NTM: variants seen among roughly 807,000 people sequenced by gnomAD.
NTM encodes the protein IgLON family member 2.
Under a neutral mutation model 42.1 loss-of-function variants are expected in NTM, and 13 were observed. The observed-to-expected ratio is 0.31, with a 90% CI of 0.20 to 0.49. NTM has a LOEUF of 0.49. Ranked by LOEUF, NTM falls within the 20% of genes least tolerant of loss-of-function variation. NTM has a pLI of 0.99. For missense variants in NTM, 373 were observed against 452.8 expected (o/e 0.82, Z 1.60); for synonymous variants, 187 against 179.2 (o/e 1.04, Z -0.35).
chr11:131,784,495 T>C (rs2136038565), intron 1 of NTM, among the ~76,000 whole-genome samples: 1 of 152,082 alleles, frequency 6.6e-6, no homozygotes, highest in Admixed American at 6.6e-5. Context: ...AAAAACTAGA[T>C]CTGAAAAAGA....
chr11:131,977,246 G>A (rs1008414942), intron 2 of NTM, among the ~76,000 whole-genome samples: 2 of 152,208 alleles, frequency 1.3e-5, no homozygotes, highest in Non-Finnish European at 2.9e-5. Context: ...AACAAAAAGC[G>A]ACTACGCGTA....
At chr11:131,734,896 C>T (rs1316943558) in intron 1 of NTM, among the ~76,000 whole-genome samples, 1 of 152,052 alleles carries the variant, frequency 6.6e-6, no homozygotes, top group African/African-American at 2.4e-5. Context: ...TAAAATAACA[C>T]CAAGAACAAC....
At chr11:131,458,465 C>T (rs1052992816) in intron 1 of NTM, among the ~76,000 whole-genome samples, 1 of 152,158 alleles carries the variant, frequency 6.6e-6, no homozygotes, top group Non-Finnish European at 1.5e-5. Flanking sequence ...CTACCAAAAT[C>T]CCACCATCAC....
At chr11:131,872,474 T>C (rs1293863984) in intron 1 of NTM, among the ~76,000 whole-genome samples, 1 of 152,356 alleles carries the variant, frequency 6.6e-6, no homozygotes, top group East Asian at 1.9e-4. Flanking sequence ...TCTATGATCA[T>C]GTTTTCCACT....
chr11:131,957,830 G>A (rs2061713331), intron 2 of NTM, among the ~76,000 whole-genome samples: 3 of 152,050 alleles, frequency 2.0e-5, no homozygotes, highest in South Asian at 2.1e-4. Flanking sequence ...GGAATTTTTC[G>A]AAGGAAAGTC....
At chr11:132,053,052 C>G (rs2079086111) in intron 2 of NTM, among the ~76,000 whole-genome samples, 1 of 152,196 alleles carries the variant, frequency 6.6e-6, no homozygotes, top group Non-Finnish European at 1.5e-5. Context: ...ATTTTCCTTG[C>G]ATTTCATCAA....
At chr11:132,221,429 A>G (rs1013562309) in intron 4 of NTM, among the ~76,000 whole-genome samples, 5 of 152,170 alleles carry the variant, frequency 3.3e-5, no homozygotes, top group African/African-American at 4.8e-5. Context: ...GCCCAGGCTA[A>G]TGGGCTAATG....
intron 1 of NTM, among the ~76,000 whole-genome samples, chr11:131,859,935 C>T (rs188457280): frequency 1.2e-3 from 188 of 151,844 alleles, no homozygotes; most frequent in African/African-American, 4.1e-3. Context: ...TTCCCCTTTT[C>T]TCACTTCCTC....
In NTM at chr11:132,313,314, T is replaced by G. The variant is rs530013760; in HGVS notation, c.783-1238T>G. On this transcript the variant is annotated intron_variant, in intron 6 of 8. Transcript: ENST00000683400. ...CTTGAGTACTGTTTGTTTTTCTCAATAGCATCCATTTGCCCCAAAGCATGT... is the reference window on the plus strand; with the variant it reads ...CTTGAGTACTGTTTGTTTTTCTCAAGAGCATCCATTTGCCCCAAAGCATGT... Among the ~76,000 whole-genome samples, 8 of 152,268 alleles carry G rather than the reference T, an allele frequency of 5.3e-5. No individual in the cohort carries two copies. In the East Asian group the frequency reaches 1.4e-3, roughly 26 times the overall value.
intron 1 of NTM, among the ~76,000 whole-genome samples, chr11:131,404,159 T>C (rs1945555020): frequency 6.6e-6 from 1 of 152,176 alleles, no homozygotes; most frequent in Non-Finnish European, 1.5e-5. Flanking sequence ...AAGATCTTCA[T>C]GTACAGTCTT....
intron 1 of NTM, among the ~76,000 whole-genome samples, chr11:131,810,456 C>T (rs2092690261): frequency 6.6e-6 from 1 of 152,164 alleles, no homozygotes; most frequent in South Asian, 2.1e-4. Context: ...CTGGACAAAC[C>T]ACTGTGGACT....
chr11:132,144,434 G>A (rs1566288499), intron 2 of NTM, among the ~76,000 whole-genome samples: 1 of 152,166 alleles, frequency 6.6e-6, no homozygotes, highest in Non-Finnish European at 1.5e-5. Flanking sequence ...GTTTAAGGCT[G>A]TGTTCTCACC....
intron 1 of NTM, among the ~76,000 whole-genome samples, chr11:131,749,840 T>G (rs766744249): frequency 6.6e-6 from 1 of 152,212 alleles, no homozygotes; most frequent in Non-Finnish European, 1.5e-5. Flanking sequence ...CCTCAGGTGA[T>G]TTGCCCTCCT....
chr11:131,655,229 GCAGA>G (rs1158021581), intron 1 of NTM, among the ~76,000 whole-genome samples: 2 of 152,182 alleles, frequency 1.3e-5, no homozygotes, highest in African/African-American at 2.4e-5. Flanking sequence ...ATTCTTGTGT[GCAGA>G]CAAAGTTGAG....
rs138556570 is a variant in NTM at position 132,097,428 on chromosome 11, G to A, written c.168-48854G>A. Among the ~76,000 whole-genome samples, 1,142 of 152,282 alleles carry A rather than the reference G, an allele frequency of 7.5e-3. 16 individuals carry two copies. Among genetic ancestry groups the A allele is most frequent in the African/African-American group, 0.026 (1,070 of 41,558 alleles). On this transcript the variant is annotated intron_variant, in intron 2 of 8. Transcript: ENST00000683400. Reference sequence around the variant, plus strand: ...TTGCACTGGAGGCCAGGATGCTCCTGGGTGCTGATGGCTCACTGTTCTAAA... The same window carrying A: ...TTGCACTGGAGGCCAGGATGCTCCTAGGTGCTGATGGCTCACTGTTCTAAA...
chr11:131,658,378 G>A (rs778100719), intron 1 of NTM, among the ~76,000 whole-genome samples: 10 of 152,168 alleles, frequency 6.6e-5, no homozygotes, highest in Admixed American at 1.3e-4. Context: ...GGAAAATACA[G>A]AGCATTCCCA....
At chr11:132,075,581 A>G (rs757265060) in intron 2 of NTM, among the ~76,000 whole-genome samples, 21 of 152,198 alleles carry the variant, frequency 1.4e-4, no homozygotes, top group Non-Finnish European at 2.4e-4. Context: ...AGGTTCATAC[A>G]CAGCTCTTGT....
intron 2 of NTM, among the ~76,000 whole-genome samples, chr11:131,932,612 C>T (rs1001778169): frequency 6.6e-6 from 1 of 152,228 alleles, no homozygotes; most frequent in African/African-American, 2.4e-5. Flanking sequence ...CATCCAGCTT[C>T]TGCACAGAAA....
intron 2 of NTM, among the ~76,000 whole-genome samples, chr11:131,953,701 A>T (rs2061266179): frequency 6.6e-6 from 1 of 152,190 alleles, no homozygotes; most frequent in African/African-American, 2.4e-5. Flanking sequence ...ACAGGCACTC[A>T]GGCTTCTGTA....
Sources: allele counts gnomAD v4.1 joint callset (sites outside exome capture counted in the v4.1 genomes callset), GRCh38; gene constraint gnomAD v4.1.1; transcripts MANE v1.5; gene names NCBI Gene and HGNC (gene_info 2026-07-23, HGNC 2026-07-21).